The following HPSE2 variants were observed in gnomAD, a reference collection of about 807,000 sequenced individuals.
HPSE2 encodes inactive heparanase-2.
Under a neutral mutation model 60.5 loss-of-function variants are expected in HPSE2, and 38 were observed. That is an observed-to-expected ratio of 0.63 (90% confidence interval 0.48 to 0.82). HPSE2 has a LOEUF of 0.82. HPSE2 is among the 40% of genes least tolerant of loss of function. The pLI, the probability that HPSE2 is intolerant of heterozygous loss-of-function variation, is 0.00. For missense variants in HPSE2, 713 were observed against 740.4 expected, an observed-to-expected ratio of 0.96 and a Z score of 0.43; for synonymous variants, 295 against 293.2, an observed-to-expected ratio of 1.01 and a Z score of -0.06.
chr10:98,804,378 C>T lies in HPSE2; in HGVS notation c.611-60322G>A, dbSNP rs184904095. 2.6e-5 allele frequency among the ~76,000 whole-genome samples: 4 copies of T among 151,962 alleles called. No individual in the cohort carries two copies. The East Asian group carries it at 7.7e-4, about 29-fold the overall frequency. On this transcript the variant is annotated intron_variant, in intron 3 of 11. Coordinates refer to ENST00000370552, the MANE Select transcript of HPSE2 (RefSeq NM_021828.5). The stretch of plus-strand genomic sequence containing the variant: ...ATAAGAGAAAATGTTTGCAAACTCC[C>T]CATCTGACAAGGAATTAATAACCAA...
intron 3 of HPSE2, among the ~76,000 whole-genome samples, chr10:98,922,424 T>C (rs375823849): frequency 1.1e-4 from 16 of 152,318 alleles, no homozygotes; most frequent in African/African-American, 3.6e-4. Flanking sequence ...GCTTGCATAT[T>C]ATGAGTCTCA....
chr10:98,507,686 T>C (rs938727754), intron 9 of HPSE2, among the ~76,000 whole-genome samples: 28 of 152,138 alleles, frequency 1.8e-4, no homozygotes, highest in African/African-American at 6.5e-4. Flanking sequence ...CCTTATCATG[T>C]CCTTATGTAA....
chr10:99,211,916 C>T (rs546417637), intron 2 of HPSE2, among the ~76,000 whole-genome samples: 1 of 152,088 alleles, frequency 6.6e-6, no homozygotes, highest in East Asian at 1.9e-4. Flanking sequence ...AAGAGACAAC[C>T]TAAAAAATGA....
chr10:99,129,978 T>C (rs1291137692), intron 3 of HPSE2, among the ~76,000 whole-genome samples: 1 of 152,028 alleles, frequency 6.6e-6, no homozygotes, highest in African/African-American at 2.4e-5. Flanking sequence ...ATGCAAAAGA[T>C]AATTCAAGGC....
chr10:98,627,036 G>T (rs1296336947), intron 7 of HPSE2, among the ~76,000 whole-genome samples: 1 of 152,200 alleles, frequency 6.6e-6, no homozygotes, highest in African/African-American at 2.4e-5. Context: ...GCCTCTCAAA[G>T]TGCTGGGATT....
intron 3 of HPSE2, among the ~76,000 whole-genome samples, chr10:99,131,803 A>G (rs1304119958): frequency 1.3e-5 from 2 of 152,060 alleles, no homozygotes; most frequent in Non-Finnish European, 2.9e-5. Context: ...TGATGAGTGC[A>G]CCAAAATCTC....
chr10:99,132,191 AAGAGAGAGAGAGAGAGAGAG>A (rs781059893), intron 3 of HPSE2, among the ~76,000 whole-genome samples: 3 of 71,872 alleles, frequency 4.2e-5, no homozygotes, highest in African/African-American at 1.9e-4. Flanking sequence ...GAAAGAAAGA[AAGAGAGAGAGAGAGAGAGAG>A]AGAGAGAGAG....
chr10:98,802,305 T>C (rs1950930027), intron 3 of HPSE2, among the ~76,000 whole-genome samples: 5 of 151,262 alleles, frequency 3.3e-5, no homozygotes. Flanking sequence ...TTTTTATTTT[T>C]TTTTTGAGTT....
intron 9 of HPSE2, among the ~76,000 whole-genome samples, chr10:98,594,327 A>T (rs1486800558): frequency 1.3e-5 from 2 of 152,054 alleles, no homozygotes; most frequent in Admixed American, 6.5e-5. Context: ...AGCCCATGAT[A>T]TACACCATTA....
chr10:98,832,616 T>C (rs949599132), intron 3 of HPSE2, among the ~76,000 whole-genome samples: 32 of 152,138 alleles, frequency 2.1e-4, no homozygotes, highest in African/African-American at 7.5e-4. Flanking sequence ...TAGAGACAAC[T>C]TGTGGTCAGG....
chr10:99,304,698 C>T, the HPSE2 span, among the ~76,000 whole-genome samples: 1 of 152,186 alleles, frequency 6.6e-6, no homozygotes, highest in African/African-American at 2.4e-5. Context: ...AGGGCATTTG[C>T]CATTTCTGAG....
At chr10:98,602,805 T>G (rs910503917) in intron 9 of HPSE2, among the ~76,000 whole-genome samples, 4 of 152,098 alleles carry the variant, frequency 2.6e-5, no homozygotes, top group African/African-American at 9.7e-5. Flanking sequence ...AAAAATTAAC[T>G]CAAATGGACC....
chr10:99,026,477 G>A (rs1177784023), intron 3 of HPSE2, among the ~76,000 whole-genome samples: 1 of 151,906 alleles, frequency 6.6e-6, no homozygotes, highest in African/African-American at 2.4e-5. Context: ...GTACAAAAAG[G>A]TTAATATTAG....
chr10:99,073,910 T>C (rs1310786873), intron 3 of HPSE2, among the ~76,000 whole-genome samples: 6 of 151,980 alleles, frequency 3.9e-5, no homozygotes, highest in African/African-American at 1.4e-4. Context: ...ATCCTAAAAC[T>C]TTACTCAATC....
At chr10:98,510,695 C>T (rs550714983) in intron 9 of HPSE2, among the ~76,000 whole-genome samples, 83 of 152,318 alleles carry the variant, frequency 5.4e-4, no homozygotes, top group Non-Finnish European at 8.2e-4. Flanking sequence ...TTAGCTAGTC[C>T]TTTCATTCTA....
chr10:98,802,485 A>C lies in HPSE2; in HGVS notation c.611-58429T>G, dbSNP rs1388499419. ...TCCCTCCCCCCTCCCCCCACCCCACAACAGTCCCCAGAGTGTGATGTTCCC... is the reference window on the plus strand; with the variant it reads ...TCCCTCCCCCCTCCCCCCACCCCACCACAGTCCCCAGAGTGTGATGTTCCC... On this transcript the variant is annotated intron_variant, in intron 3 of 11. Transcript: ENST00000370552. 1.1e-4 allele frequency among the ~76,000 whole-genome samples: 10 copies of C among 92,046 alleles called. No individual in the cohort carries two copies. The East Asian group carries it at 3.4e-3, about 31-fold the overall frequency. 60.4% of individuals were successfully genotyped at this position (92,046 alleles called of 152,430 possible).
At chr10:98,772,065 C>T (rs903130403) in intron 3 of HPSE2, among the ~76,000 whole-genome samples, 1 of 152,144 alleles carries the variant, frequency 6.6e-6, no homozygotes, top group Non-Finnish European at 1.5e-5. Flanking sequence ...CAGTTTTGGA[C>T]TGGGCAATAA....
chr10:99,035,660 A>G (rs1380068688), intron 3 of HPSE2, among the ~76,000 whole-genome samples: 1 of 152,242 alleles, frequency 6.6e-6, no homozygotes, highest in Non-Finnish European at 1.5e-5. Context: ...TGATGTTTAC[A>G]CCAGCATCAC....
chr10:98,475,284 A>AT (rs1320018413), intron 11 of HPSE2, among the ~76,000 whole-genome samples: 13 of 150,854 alleles, frequency 8.6e-5, no homozygotes, highest in Admixed American at 1.3e-4. Flanking sequence ...TGCCCGGCTA[A>AT]TTTTTTTTTG....
Sources: gnomAD v4.1 joint callset for allele counts (sites outside exome capture counted in the v4.1 genomes callset) on GRCh38, gnomAD v4.1.1 for gene constraint, MANE v1.5 for transcripts, NCBI Gene and HGNC (gene_info 2026-07-23, HGNC 2026-07-21) for gene names.